Variants in ABR observed in about 807,000 individuals in gnomAD.
ABR encodes the protein active breakpoint cluster region-related protein.
A neutral mutation model predicts 107.2 loss-of-function variants in ABR; 35 were observed. The observed-to-expected ratio is 0.33, with a 90% CI of 0.25 to 0.43. The LOEUF is 0.43. Among genes scored for constraint, ABR ranks in the 20% least tolerant of loss-of-function variants. ABR has a pLI of 1.00. For missense variants in ABR, 815 were observed against 1,115.2 expected (o/e 0.73, Z 3.83); for synonymous variants, 498 against 462.0 (o/e 1.08, Z -1.00).
intron 4 of ABR, among the ~76,000 whole-genome samples, chr17:1,087,418 C>A (rs906807996): frequency 6.6e-6 from 1 of 152,130 alleles, no homozygotes; most frequent in Non-Finnish European, 1.5e-5. Flanking sequence ...GAGCGGGGGG[C>A]ATCTGGAAAA....
chr17:1,014,457 C>T (rs993302001), intron 16 of ABR, among the ~76,000 whole-genome samples: 2 of 150,578 alleles, frequency 1.3e-5, no homozygotes, highest in African/African-American at 4.9e-5. Flanking sequence ...AAAGAAAAAA[C>T]ATCTAAACAA....
intron 1 of ABR, among the ~76,000 whole-genome samples, chr17:1,217,167 C>T (rs757248100): frequency 6.6e-6 from 1 of 152,174 alleles, no homozygotes; most frequent in Non-Finnish European, 1.5e-5. Flanking sequence ...GAAGGCGAGG[C>T]AGCTGCCTAC....
Position 1,097,026 on chromosome 17 carries a change from T to C in ABR, c.345+3611A>G, listed in dbSNP as rs184634110. 3.1e-3 allele frequency among the ~76,000 whole-genome samples: 476 copies of C among 152,012 alleles called. 3 individuals carry two copies. The highest frequency in any genetic ancestry group is 0.011 in the African/African-American group (455 of 41,412). ...GGAAGGGGGGAACCTGCGCCAGGCA[T>C]ATCAGGAAGGGGGCCCCTGCCCCAC... On this transcript the variant is annotated intron_variant, in intron 3 of 22. Coordinates refer to ENST00000302538, the MANE Select transcript of ABR (RefSeq NM_021962.5).
At chr17:1,215,408 T>G (rs1204278859) in intron 1 of ABR, among the ~76,000 whole-genome samples, 1 of 152,122 alleles carries the variant, frequency 6.6e-6, no homozygotes, top group Non-Finnish European at 1.5e-5. Flanking sequence ...CTGACTGGTT[T>G]TCGTATTTTT....
Position 1,154,853 on chromosome 17 carries a change from C to G in ABR, c.61+24814G>C, listed in dbSNP as rs1056445755. On this transcript the variant is annotated intron_variant, in intron 1 of 22. Transcript: ENST00000302538. The surrounding 1 kb of genome is among the most constrained non-coding windows in gnomAD (Gnocchi z 4.0). ...CCGCTCCCTTCCCCATTCCAGCAGCCACTTCCCACCCTGCATTTGTTCCCT... is the reference window on the plus strand; with the variant it reads ...CCGCTCCCTTCCCCATTCCAGCAGCGACTTCCCACCCTGCATTTGTTCCCT... The G allele has an allele frequency of 9.8e-5, 15 of 152,476 alleles. No individual in the cohort carries two copies. The highest frequency in any genetic ancestry group is 3.6e-4 in the African/African-American group (15 of 41,430). The allele number at this position is 152,476 out of a possible 1,614,324, so 9.4% of individuals were successfully genotyped here. A position where few individuals can be genotyped will look rare whatever the true frequency, so the allele number is the denominator to read the frequency against.
At chr17:1,128,844 G>A in intron 1 of ABR, among the ~76,000 whole-genome samples, 1 of 122,392 alleles carries the variant, frequency 8.2e-6, no homozygotes, top group Non-Finnish European at 1.8e-5. Context: ...CCCACCCCAG[G>A]AAGGTCTACC....
intron 2 of ABR, among the ~76,000 whole-genome samples, chr17:1,102,372 A>G (rs2037956945): frequency 6.6e-6 from 1 of 152,158 alleles, no homozygotes; most frequent in Non-Finnish European, 1.5e-5. Context: ...AAGACAGAGG[A>G]TGGGGCCACG....
intron 14 of ABR, 159 bp downstream of exon 14, chr17:1,055,876 G>A: frequency 1.5e-6 from 1 of 645,374 alleles, no homozygotes; most frequent in Non-Finnish European, 2.7e-6. Context: ...GGACTTTGGA[G>A]ACAAAGGCCA....
intron 2 of ABR, among the ~76,000 whole-genome samples, chr17:1,122,943 TC>T (rs201105137): frequency 0.011 from 1,647 of 151,988 alleles, 17 homozygotes; most frequent in Middle Eastern, 0.034. Flanking sequence ...GGTCCAGAAG[TC>T]CCCCCTGTTC....
At chr17:1,129,914 G>A (rs778607327) in intron 1 of ABR, among the ~76,000 whole-genome samples, 2 of 152,052 alleles carry the variant, frequency 1.3e-5, no homozygotes, top group Non-Finnish European at 2.9e-5. Context: ...ACCATTGCAC[G>A]CCAGCCTGGG....
At chr17:1,062,843 G>A (rs78311407) in intron 10 of ABR, among the ~76,000 whole-genome samples, 8 of 143,634 alleles carry the variant, frequency 5.6e-5, no homozygotes, top group African/African-American at 1.7e-4. Flanking sequence ...GTTGTTATGT[G>A]AACTGAGGGC....
intron 16 of ABR, among the ~76,000 whole-genome samples, chr17:1,019,860 G>A (rs1286550251): frequency 1.3e-5 from 2 of 152,188 alleles, no homozygotes; most frequent in African/African-American, 4.8e-5. Flanking sequence ...GCAGGTACTT[G>A]GGGGATGTCT....
intron 1 of ABR, among the ~76,000 whole-genome samples, chr17:1,207,705 A>C (rs2042818769): frequency 6.6e-6 from 1 of 151,574 alleles, no homozygotes; most frequent in East Asian, 1.9e-4. Flanking sequence ...GGAATCACAG[A>C]CCTTATGACT....
chr17:1,083,745 G>C (rs1225160778), intron 4 of ABR, 118 bp from the exon 5 acceptor site: 1 of 813,152 alleles, frequency 1.2e-6, no homozygotes, highest in East Asian at 2.5e-5. Flanking sequence ...CTCTCACTCA[G>C]CTCGTTGGGA....
chr17:1,155,306 GGAAAGAA>G lies in ABR; in HGVS notation c.61+24354_61+24360del, dbSNP rs1216926413. ...ACAAGGGCACCAAGACCCTTCATGGGGAAAGAAGAATCTTTTCACCAAATGGTGCTGG... is the reference window on the plus strand; with the variant it reads ...ACAAGGGCACCAAGACCCTTCATGGGGAATCTTTTCACCAAATGGTGCTGG... On this transcript the variant is annotated intron_variant, in intron 1 of 22. Coordinates refer to ENST00000302538, the MANE Select transcript of ABR (RefSeq NM_021962.5). Among the ~76,000 whole-genome samples the G allele has an allele frequency of 3.9e-5, 6 of 152,170 alleles. No homozygotes were observed. The East Asian group carries it at 1.2e-3, about 29-fold the overall frequency.
intron 6 of ABR, among the ~76,000 whole-genome samples, chr17:1,074,578 T>A (rs561733518): frequency 1.3e-5 from 2 of 152,250 alleles, no homozygotes; most frequent in African/African-American, 2.4e-5. Flanking sequence ...CACAGCCAGC[T>A]GGGATTGGCA....
chr17:1,047,193 TG>T (rs1376891778), intron 16 of ABR, among the ~76,000 whole-genome samples: 1 of 152,238 alleles, frequency 6.6e-6, no homozygotes, highest in Non-Finnish European at 1.5e-5. Context: ...CCCCGAGGGC[TG>T]GGCCCTATCT....
intron 2 of ABR, among the ~76,000 whole-genome samples, chr17:1,107,716 T>A (rs1226246895): frequency 2.0e-5 from 3 of 152,176 alleles, no homozygotes; most frequent in Non-Finnish European, 4.4e-5. Context: ...GAGGCCTCCC[T>A]GAGCCCACGG....
chr17:1,201,763 G>C (rs1365392129), intron 1 of ABR, among the ~76,000 whole-genome samples: 2 of 151,924 alleles, frequency 1.3e-5, no homozygotes, highest in East Asian at 3.9e-4. Flanking sequence ...TGCAACCTCT[G>C]CCTCCCACGT....
Sources: allele counts gnomAD v4.1 joint callset (sites outside exome capture counted in the v4.1 genomes callset), GRCh38; gene constraint gnomAD v4.1.1; non-coding constraint Gnocchi (gnomAD v3.1); transcripts MANE v1.5; gene names NCBI Gene and HGNC (gene_info 2026-07-23, HGNC 2026-07-21).